The following TRIM2 variants were observed in gnomAD, a reference collection of about 807,000 sequenced individuals.
TRIM2 encodes tripartite motif-containing protein 2.
Under a neutral mutation model 75.2 loss-of-function variants are expected in TRIM2, and 20 were observed. The ratio of observed to expected loss-of-function variants is 0.27; its 90% CI spans 0.19 to 0.39. TRIM2 has a LOEUF of 0.39. Ranked by LOEUF, TRIM2 falls within the 10% of genes least tolerant of loss-of-function variation. The pLI is 1.00. For synonymous variants in TRIM2, 373 were observed against 388.3 expected (o/e 0.96, Z 0.46); for missense variants, 660 against 990.8 (o/e 0.67, Z 4.48).
intron 1 of TRIM2, among the ~76,000 whole-genome samples, chr4:153,254,765 G>A (rs1000188373): frequency 2.0e-5 from 3 of 152,182 alleles, no homozygotes; most frequent in African/African-American, 7.2e-5. Flanking sequence ...ATTCACAGCT[G>A]AGCCCCCAAA....
intron 1 of TRIM2, among the ~76,000 whole-genome samples, chr4:153,255,411 G>A (rs565262563): frequency 7.2e-5 from 11 of 152,298 alleles, no homozygotes; most frequent in Non-Finnish European, 1.3e-4. Flanking sequence ...GAGAGATCAG[G>A]ACAAAGAATG....
intron 1 of TRIM2, among the ~76,000 whole-genome samples, chr4:153,212,077 A>G (rs999818980): frequency 6.6e-6 from 1 of 152,146 alleles, no homozygotes. Flanking sequence ...GCCTGTCAGA[A>G]TGGCCTCTCT....
At chr4:153,305,929 G>A (rs1764879890) in intron 6 of TRIM2, among the ~76,000 whole-genome samples, 1 of 152,182 alleles carries the variant, frequency 6.6e-6, no homozygotes, top group African/African-American at 2.4e-5. Context: ...GAGGTCAGGA[G>A]TTTGAGACCA....
At chr4:153,212,422 T>C (rs1737300085) in intron 1 of TRIM2, among the ~76,000 whole-genome samples, 1 of 152,148 alleles carries the variant, frequency 6.6e-6, no homozygotes, top group African/African-American at 2.4e-5. Context: ...GGATGAAATA[T>C]TGCCTATTGG....
intron 6 of TRIM2, among the ~76,000 whole-genome samples, chr4:153,296,448 C>A (rs1227559695): frequency 1.3e-5 from 2 of 152,228 alleles, no homozygotes; most frequent in African/African-American, 4.8e-5. Context: ...GGAGGGTCTT[C>A]TTGTGCCAGA....
chr4:153,211,801 T>C (rs1194450335), intron 1 of TRIM2, among the ~76,000 whole-genome samples: 1 of 152,106 alleles, frequency 6.6e-6, no homozygotes, highest in Non-Finnish European at 1.5e-5. Flanking sequence ...CAAATTCTTA[T>C]ATGACAATTT....
chr4:153,270,539 G>A lies in TRIM2; in HGVS notation c.215+20G>A. The stretch of plus-strand genomic sequence containing the variant: ...CGAGAGGTAAGCCTCCTTTGTGCTT[G>A]GAGAAGGGAGTTTCGCAGGCTGACC... On this transcript the variant is annotated intron_variant, in intron 2 of 11. Coordinates refer to ENST00000338700, the MANE Select transcript of TRIM2 (RefSeq NM_015271.5). The A allele has an allele frequency of 1.9e-6, 3 of 1,577,150 alleles. No individual in the cohort carries two copies. The highest frequency in any genetic ancestry group is 2.6e-6 in the Non-Finnish European group (3 of 1,159,364).
At chr4:153,220,775 C>A (rs1297652918) in intron 1 of TRIM2, among the ~76,000 whole-genome samples, 1 of 152,050 alleles carries the variant, frequency 6.6e-6, no homozygotes, top group Non-Finnish European at 1.5e-5. Context: ...AAATGGTCAA[C>A]AAGCACATGA....
intron 1 of TRIM2, among the ~76,000 whole-genome samples, chr4:153,205,451 G>A (rs1473057770): frequency 6.6e-6 from 1 of 152,182 alleles, no homozygotes; most frequent in Non-Finnish European, 1.5e-5. Context: ...GACCTGTAAG[G>A]TGGGGAGGGG....
intron 1 of TRIM2, 50 bp from the exon 2 acceptor site, chr4:153,270,285 G>A: frequency 1.3e-6 from 2 of 1,566,204 alleles, no homozygotes; most frequent in South Asian, 1.2e-5. Context: ...TGATTGACTT[G>A]TACCTACAGA....
At chr4:153,328,332 T>C (rs962972592) in intron 10 of TRIM2, among the ~76,000 whole-genome samples, 198 bp from the exon 11 acceptor site, 1 of 152,218 alleles carries the variant, frequency 6.6e-6, no homozygotes, top group African/African-American at 2.4e-5. Context: ...TAACAAATGA[T>C]AAATCAGATT....
intron 6 of TRIM2, among the ~76,000 whole-genome samples, chr4:153,296,615 A>C (rs1047980574): frequency 6.6e-6 from 1 of 152,146 alleles, no homozygotes; most frequent in African/African-American, 2.4e-5. Context: ...GGAAACTTGG[A>C]GAAAGAATGG....
chr4:153,324,937 G>A (rs1266622238), intron 10 of TRIM2, among the ~76,000 whole-genome samples: 1 of 152,140 alleles, frequency 6.6e-6, no homozygotes, highest in African/African-American at 2.4e-5. Context: ...TGCACTTACA[G>A]ACATAATAAA....
chr4:153,313,027 T>C (rs1332117810), intron 6 of TRIM2, among the ~76,000 whole-genome samples: 2 of 152,140 alleles, frequency 1.3e-5, no homozygotes, highest in Non-Finnish European at 2.9e-5. Context: ...TAAGCAACGT[T>C]AGACAAACAG....
At chr4:153,306,841 G>T (rs1765113625) in intron 6 of TRIM2, among the ~76,000 whole-genome samples, 2 of 152,168 alleles carry the variant, frequency 1.3e-5, no homozygotes, top group Admixed American at 6.5e-5. Context: ...GGCCTCCCAG[G>T]CTCCCAGTCC....
At chr4:153,237,947 G>A (rs1249159650) in intron 1 of TRIM2, among the ~76,000 whole-genome samples, 1 of 152,112 alleles carries the variant, frequency 6.6e-6, no homozygotes, top group Non-Finnish European at 1.5e-5. Context: ...AAGCTTCTGT[G>A]GGAGTGTGTG....
At chr4:153,246,916 C>T (rs2149895324) in intron 1 of TRIM2, among the ~76,000 whole-genome samples, 1 of 152,308 alleles carries the variant, frequency 6.6e-6, no homozygotes, top group East Asian at 1.9e-4. Flanking sequence ...GGCACTGGTC[C>T]AGATGCAATG....
intron 1 of TRIM2, among the ~76,000 whole-genome samples, chr4:153,185,013 A>G (rs1403580188): frequency 2.0e-5 from 3 of 152,204 alleles, no homozygotes; most frequent in Non-Finnish European, 4.4e-5. Context: ...ATTGTGTCCT[A>G]TTCCATTTCC....
intron 1 of TRIM2, among the ~76,000 whole-genome samples, chr4:153,244,170 TCTTCTTC>T (rs1747585920): frequency 6.9e-6 from 1 of 144,316 alleles, no homozygotes; most frequent in Non-Finnish European, 1.5e-5. Flanking sequence ...TTCTTCTTCT[TCTTCTTC>T]TTCTCCTCCT....
Sources: allele counts gnomAD v4.1 joint callset (sites outside exome capture counted in the v4.1 genomes callset), GRCh38; gene constraint gnomAD v4.1.1; transcripts MANE v1.5; gene names NCBI Gene and HGNC (gene_info 2026-07-23, HGNC 2026-07-21).